Variants in HSD17B11 observed in about 807,000 individuals in gnomAD.
HSD17B11 encodes the protein estradiol 17-beta-dehydrogenase 11.
Under a neutral mutation model 27.8 loss-of-function variants are expected in HSD17B11, and 22 were observed. The ratio of observed to expected loss-of-function variants is 0.79; its 90% CI spans 0.56 to 1.13. The LOEUF is 1.13. Ranked by LOEUF, HSD17B11 falls within the 50% of genes most tolerant of loss-of-function variation. The pLI is 0.00. For synonymous variants in HSD17B11, 117 were observed against 132.8 expected (o/e 0.88, Z 0.82); for missense variants, 314 against 351.1 (o/e 0.89, Z 0.84).
At chr4:87,375,673 G>A (rs111264133) in intron 2 of HSD17B11, among the ~76,000 whole-genome samples, 59 of 152,314 alleles carry the variant, frequency 3.9e-4, no homozygotes, top group African/African-American at 1.3e-3. Context: ...CCCGAGAGGC[G>A]GAAGTTGCGG....
intron 4 of HSD17B11, among the ~76,000 whole-genome samples, chr4:87,364,770 T>C (rs576536052): frequency 2.0e-5 from 3 of 152,348 alleles, no homozygotes; most frequent in African/African-American, 4.8e-5. Flanking sequence ...TGGAGATCTG[T>C]CTGCCTTCAG....
Position 87,372,725 on chromosome 4 carries a change from A to G in HSD17B11, c.541T>C (p.Phe181Leu). 1.9e-6 allele frequency: 3 copies of G among 1,608,740 alleles called. No individual in the cohort carries two copies. The highest frequency in any genetic ancestry group is 2.6e-6 in the Non-Finnish European group (3 of 1,175,044). ...TTCACATACCAGTAAGCCAGTAAGA[A>G]GGGGACCGAGACATGTCCAGCTGCC... is the stretch of plus-strand genomic sequence containing the variant. ...ASAAGHVSVP[F>L]LLAYCSSKFA... Residue 181 changes from phenylalanine (F) to leucine (L), a missense_variant, in exon 4 of 7, where the codon TTC becomes CTC. Coordinates refer to ENST00000358290, the MANE Select transcript of HSD17B11 (RefSeq NM_016245.5).
chr4:87,389,691 C>A (rs1046594823), intron 1 of HSD17B11, among the ~76,000 whole-genome samples: 2 of 152,148 alleles, frequency 1.3e-5, no homozygotes, highest in African/African-American at 2.4e-5. Context: ...AACTTCACAT[C>A]CTTTGAATTA....
chr4:87,379,294 G>C (rs1429667641), intron 2 of HSD17B11, among the ~76,000 whole-genome samples: 1 of 150,522 alleles, frequency 6.6e-6, no homozygotes, highest in African/African-American at 2.4e-5. Context: ...CCACGCTCCA[G>C]CAGATATATT....
intron 4 of HSD17B11, among the ~76,000 whole-genome samples, chr4:87,371,832 G>A (rs1286243806): frequency 6.6e-6 from 1 of 152,148 alleles, no homozygotes; most frequent in Non-Finnish European, 1.5e-5. Flanking sequence ...TTCTGAAGAG[G>A]AGTTCTCTAA....
chr4:87,357,182 A>G, intron 5 of HSD17B11, 97 bp downstream of exon 5: 1 of 1,244,260 alleles, frequency 8.0e-7, no homozygotes, highest in South Asian at 1.4e-5. Flanking sequence ...AGCTTTAACT[A>G]TCAGGTGTTT....
chr4:87,381,160 C>T (rs948163042), intron 2 of HSD17B11, among the ~76,000 whole-genome samples: 10 of 135,144 alleles, frequency 7.4e-5, no homozygotes, highest in Admixed American at 2.6e-4. Context: ...GCACTCCAGC[C>T]TGGGCGACAG....
chr4:87,345,064 G>A (rs911786328), intron 5 of HSD17B11: 1 of 152,344 alleles, frequency 6.6e-6, no homozygotes, highest in African/African-American at 2.4e-5. Context: ...AGGAGTTTGA[G>A]ATCAGCCTGG....
At chr4:87,358,212 C>T (rs1034439996) in intron 4 of HSD17B11, among the ~76,000 whole-genome samples, 1 of 152,034 alleles carries the variant, frequency 6.6e-6, no homozygotes, top group Non-Finnish European at 1.5e-5. Flanking sequence ...CTGCCCACCT[C>T]GGCCTCCCAA....
chr4:87,339,997 A>G (rs1735135282), intron 6 of HSD17B11, among the ~76,000 whole-genome samples: 1 of 152,244 alleles, frequency 6.6e-6, no homozygotes, highest in South Asian at 2.1e-4. Context: ...ACTCCCAGGT[A>G]ATGTGTGTAG....
Position 87,372,723 on chromosome 4 carries a change from G to T in HSD17B11, c.543C>A (p.Phe181Leu), listed in dbSNP as rs1329990995. 6 of 1,607,756 alleles carry T rather than the reference G, an allele frequency of 3.7e-6. No homozygotes were observed. The highest frequency in any genetic ancestry group is 5.1e-6 in the Non-Finnish European group (6 of 1,174,212). The change falls in exon 4 of 7, where the codon TTC becomes TTA. Residue 181 changes from phenylalanine (F) to leucine (L), a missense_variant. Coordinates refer to ENST00000358290, the MANE Select transcript of HSD17B11 (RefSeq NM_016245.5). ...ASAAGHVSVP[F>L]LLAYCSSKFA... ...TGTTCACATACCAGTAAGCCAGTAA[G>T]AAGGGGACCGAGACATGTCCAGCTG...
At chr4:87,369,636 T>C (rs893435093) in intron 4 of HSD17B11, among the ~76,000 whole-genome samples, 5 of 152,162 alleles carry the variant, frequency 3.3e-5, no homozygotes, top group Non-Finnish European at 4.4e-5. Context: ...GATCTTGCTA[T>C]GTTACCCAAG....
intron 2 of HSD17B11, among the ~76,000 whole-genome samples, chr4:87,375,975 C>T (rs1037375212): frequency 1.3e-5 from 2 of 152,276 alleles, no homozygotes; most frequent in East Asian, 3.9e-4. Context: ...AGTTACTTAA[C>T]CTCTTAAAAC....
At chr4:87,363,225 G>A (rs1735550048) in intron 4 of HSD17B11, among the ~76,000 whole-genome samples, 1 of 152,140 alleles carries the variant, frequency 6.6e-6, no homozygotes, top group Admixed American at 6.5e-5. Flanking sequence ...CAGAAGCCTG[G>A]CATGCCAGCA....
At chr4:87,380,089 T>A (rs28379583) in intron 2 of HSD17B11, among the ~76,000 whole-genome samples, 31,975 of 127,152 alleles carry the variant, frequency 0.25, 3,975 homozygotes, top group Admixed American at 0.32. Context: ...CCAGCCTGGG[T>A]AACAGAGCAA....
intron 1 of HSD17B11, among the ~76,000 whole-genome samples, chr4:87,382,671 T>C (rs1720206870): frequency 6.6e-6 from 1 of 152,252 alleles, no homozygotes; most frequent in Non-Finnish European, 1.5e-5. Flanking sequence ...GTGTATTCCA[T>C]ATCAGGCTTT....
At chr4:87,358,650 T>G (rs1367245157) in intron 4 of HSD17B11, among the ~76,000 whole-genome samples, 3 of 152,216 alleles carry the variant, frequency 2.0e-5, no homozygotes, top group Non-Finnish European at 4.4e-5. Flanking sequence ...TTTTTAAGTG[T>G]GCAATTCAGT....
intron 2 of HSD17B11, 139 bp downstream of exon 2, chr4:87,382,116 G>A (rs951546667): frequency 1.1e-5 from 7 of 611,296 alleles, no homozygotes; most frequent in African/African-American, 1.1e-4. Context: ...TTTTGGGTTT[G>A]CTATGAGCTA....
chr4:87,347,124 T>TTTTC (rs1735289693), intron 5 of HSD17B11, among the ~76,000 whole-genome samples: 1 of 87,510 alleles, frequency 1.1e-5, no homozygotes, highest in African/African-American at 7.2e-5. Flanking sequence ...TTCTTTTTTT[T>TTTTC]TTTTTTTTTT....
Sources: gnomAD v4.1 joint callset for allele counts (sites outside exome capture counted in the v4.1 genomes callset) on GRCh38, gnomAD v4.1.1 for gene constraint, MANE v1.5 for transcripts, NCBI Gene and HGNC (gene_info 2026-07-23, HGNC 2026-07-21) for gene names.